Variants in ZNF365 observed in about 807,000 individuals in gnomAD.
ZNF365 encodes the protein protein ZNF365.
A neutral mutation model predicts 35.0 loss-of-function variants in ZNF365; 22 were observed. The ratio of observed to expected loss-of-function variants is 0.63; its 90% CI spans 0.45 to 0.90. The LOEUF (loss-of-function observed/expected upper bound fraction) is 0.90. Among genes scored for constraint, ZNF365 ranks in the 40% least tolerant of loss-of-function variants. The pLI is 0.00. For synonymous variants in ZNF365, 188 were observed against 196.2 expected (o/e 0.96, Z 0.35); for missense variants, 448 against 500.3 (o/e 0.90, Z 1.00).
intron 2 of ZNF365, among the ~76,000 whole-genome samples, chr10:62,387,866 T>A (rs1378220491): frequency 6.6e-6 from 1 of 152,188 alleles, no homozygotes; most frequent in Non-Finnish European, 1.5e-5. Flanking sequence ...GAGCTTGTCT[T>A]AAAAGCAATA....
intron 3 of ZNF365, 25 bp downstream of exon 3, chr10:62,388,601 G>C: frequency 1.9e-6 from 3 of 1,611,882 alleles, no homozygotes; most frequent in Non-Finnish European, 2.5e-6. Flanking sequence ...GCCAGCCACC[G>C]AGTGTAAGAT....
chr10:62,428,278 C>T (rs1393566866), intron 3 of ZNF365, among the ~76,000 whole-genome samples: 1 of 152,154 alleles, frequency 6.6e-6, no homozygotes, highest in Admixed American at 6.5e-5. Flanking sequence ...TATGGTTTGG[C>T]TGTGTCTCCA....
chr10:62,437,346 A>G (rs1422563206), intron 3 of ZNF365, among the ~76,000 whole-genome samples: 1 of 152,218 alleles, frequency 6.6e-6, no homozygotes, highest in African/African-American at 2.4e-5. Flanking sequence ...GTTGATCTAT[A>G]TCAAGCTTTA....
At chr10:62,416,686 T>A (rs1004981400) in intron 3 of ZNF365, among the ~76,000 whole-genome samples, 1 of 152,104 alleles carries the variant, frequency 6.6e-6, no homozygotes, top group African/African-American at 2.4e-5. Context: ...TGCTTGGGAC[T>A]AGAAGTGTTT....
chr10:62,404,444 T>G (rs1194966816), downstream of ZNF365, among the ~76,000 whole-genome samples: 1 of 152,252 alleles, frequency 6.6e-6, no homozygotes, highest in Admixed American at 6.5e-5. Flanking sequence ...ATAGGTCACC[T>G]AGTTAAAAAG....
chr10:62,478,518 C>T (rs1480938710), intron 4 of ZNF365, among the ~76,000 whole-genome samples: 1 of 152,220 alleles, frequency 6.6e-6, no homozygotes, highest in Non-Finnish European at 1.5e-5. Flanking sequence ...AGAACTTTCT[C>T]CTCCTGCTTC....
At chr10:62,375,810 T>G in intron 1 of ZNF365, 1 of 180,326 alleles carries the variant, frequency 5.5e-6, no homozygotes, top group Non-Finnish European at 1.2e-5. Flanking sequence ...CTTCCTTGCT[T>G]CAGTGTTCTC....
chr10:62,377,079 G>A, intron 2 of ZNF365, 143 bp downstream of exon 2: 1 of 1,148,508 alleles, frequency 8.7e-7, no homozygotes, highest in Non-Finnish European at 1.2e-6. Flanking sequence ...TGAACCAGGA[G>A]GAACAAGGCT....
intron 3 of ZNF365, among the ~76,000 whole-genome samples, chr10:62,412,373 G>A (rs1176587584): frequency 6.6e-6 from 1 of 152,094 alleles, no homozygotes; most frequent in Non-Finnish European, 1.5e-5. Flanking sequence ...TTGAAAACCA[G>A]CACAAGGCAA....
chr10:62,389,956 T>C (rs1469343823), intron 3 of ZNF365, among the ~76,000 whole-genome samples: 1 of 152,118 alleles, frequency 6.6e-6, no homozygotes, highest in Non-Finnish European at 1.5e-5. Context: ...TCCCTCTCCA[T>C]CTCCTCCTTG....
intron 3 of ZNF365, among the ~76,000 whole-genome samples, chr10:62,457,481 A>C (rs1022995700): frequency 4.6e-5 from 7 of 152,246 alleles, no homozygotes; most frequent in African/African-American, 1.4e-4. Context: ...ATGTGAGCTA[A>C]GAGTGGAGAA....
At chr10:62,480,168 C>A in exon 5 of ZNF365, 1 of 1,209,572 alleles carries the variant, frequency 8.3e-7, no homozygotes, top group Non-Finnish European at 1.0e-6. Flanking sequence ...TCATATAACC[C>A]ATCATAGCAA....
At chr10:62,398,805 A>G (rs751329492) in intron 4 of ZNF365, 28 bp downstream of exon 4, 22 of 1,599,178 alleles carry the variant, frequency 1.4e-5, no homozygotes, top group Admixed American at 1.4e-4. Flanking sequence ...TACTTGGGCC[A>G]TTTGATAATG....
intron 4 of ZNF365, among the ~76,000 whole-genome samples, chr10:62,464,904 C>T (rs941085466): frequency 6.6e-5 from 10 of 152,224 alleles, no homozygotes; most frequent in Admixed American, 5.9e-4. Flanking sequence ...GCAAGGGAGG[C>T]GCAGCCAGAG....
chr10:62,475,281 T>C (rs1052474094), intron 4 of ZNF365, among the ~76,000 whole-genome samples: 1 of 152,144 alleles, frequency 6.6e-6, no homozygotes, highest in Non-Finnish European at 1.5e-5. Flanking sequence ...CACTTTAAAG[T>C]CTGCAGTGGC....
chr10:62,427,126 T>A (rs1840262415), intron 3 of ZNF365, among the ~76,000 whole-genome samples: 1 of 152,206 alleles, frequency 6.6e-6, no homozygotes, highest in South Asian at 2.1e-4. Flanking sequence ...GTGGTGATGG[T>A]TAATAAATGA....
intron 4 of ZNF365, among the ~76,000 whole-genome samples, chr10:62,466,700 T>A (rs1840949439): frequency 1.3e-5 from 2 of 151,198 alleles, no homozygotes; most frequent in African/African-American, 2.5e-5. Flanking sequence ...TACTATAGTT[T>A]TTTTTTTTTC....
downstream of ZNF365, among the ~76,000 whole-genome samples, chr10:62,403,538 G>A (rs989100433): frequency 5.3e-5 from 8 of 152,126 alleles, no homozygotes. Flanking sequence ...GGCGCCTGTA[G>A]TCCCAGCTAC....
chr10:62,459,188 A>G (rs1474621892), intron 3 of ZNF365, among the ~76,000 whole-genome samples: 1 of 152,258 alleles, frequency 6.6e-6, no homozygotes, highest in Non-Finnish European at 1.5e-5. Context: ...AATTGAAAAG[A>G]TGCACAGCAT....
Sources: gnomAD v4.1 joint callset for allele counts (sites outside exome capture counted in the v4.1 genomes callset) on GRCh38, gnomAD v4.1.1 for gene constraint, MANE v1.5 for transcripts, NCBI Gene and HGNC (gene_info 2026-07-23, HGNC 2026-07-21) for gene names.